The following CDC25C variants were observed in gnomAD, a reference collection of about 807,000 sequenced individuals.
CDC25C encodes the protein M-phase inducer phosphatase 3.
In CDC25C, 48 loss-of-function variants were observed where a neutral mutation model predicts 52.5. That is an observed-to-expected ratio of 0.91 (90% CI 0.72 to 1.16). The LOEUF is 1.16. CDC25C is among the 50% of genes most tolerant of loss of function. CDC25C has a pLI of 0.00. For synonymous variants in CDC25C, 187 were observed against 206.5 expected, an observed-to-expected ratio of 0.91 and a Z score of 0.81; for missense variants, 510 against 566.1, an observed-to-expected ratio of 0.90 and a Z score of 1.01.
chr5:138,338,124 A>G (rs1370412802), exon 1 of CDC25C: 3 of 1,289,614 alleles, frequency 2.3e-6, no homozygotes, highest in African/African-American at 3.0e-5. Flanking sequence ...AGACACTTTG[A>G]GAGAGACACG....
intron 10 of CDC25C, among the ~76,000 whole-genome samples, chr5:138,288,355 G>A (rs1756432662): frequency 1.3e-5 from 2 of 152,122 alleles, no homozygotes; most frequent in African/African-American, 2.4e-5. Context: ...GATTACAGGT[G>A]TGAGCTGTGC....
intron 9 of CDC25C, 94 bp downstream of exon 9, chr5:138,290,545 G>C (rs1047482444): frequency 5.7e-5 from 42 of 738,412 alleles, no homozygotes; most frequent in African/African-American, 4.5e-4. Flanking sequence ...TACTTGGTGA[G>C]GATGCATATT....
At position 138,287,173 on chromosome 5, in the gene CDC25C, A is replaced by T. The variant is rs778740149; in HGVS notation, c.1022T>A (p.Ile341Asn). 2.5e-6 allele frequency: 4 copies of T among 1,609,958 alleles called. No homozygotes were observed. Among genetic ancestry groups the T allele is most frequent in the Admixed American group, 3.3e-5 (2 of 59,986 alleles). ...ATGGCCACAATGTCGTCTCACCTGG[A>T]TGTGTCCTCCCAGATACTCATATGG... is the stretch of plus-strand genomic sequence containing the variant. ...RYPYEYLGGH[I>N]QGALNLYSQE... Residue 341 changes from isoleucine (I) to asparagine (N), a missense_variant, in exon 11 of 14, where the codon ATC (isoleucine) becomes AAC (asparagine). Transcript: ENST00000323760.
chr5:138,313,379 C>CA (rs774904685), intron 7 of CDC25C, among the ~76,000 whole-genome samples: 3,174 of 36,868 alleles, frequency 0.086, 85 homozygotes, highest in East Asian at 0.13. Context: ...CTATATCTCA[C>CA]AAAAAAAAAA....
chr5:138,285,986 G>A (rs770179008), intron 13 of CDC25C, 36 bp downstream of exon 13: 1 of 1,569,968 alleles, frequency 6.4e-7, no homozygotes, highest in South Asian at 1.1e-5. Context: ...GAGTTGAGTT[G>A]TTAAAGTTTG....
At chr5:138,331,249 A>G in intron 1 of CDC25C, 31 bp from the exon 2 acceptor site, 2 of 1,424,538 alleles carry the variant, frequency 1.4e-6, no homozygotes, top group Non-Finnish European at 2.0e-6. Context: ...AAATCGGTAC[A>G]TCACAGTTCC....
At chr5:138,296,906 CTTTTTTTTTTTT>C (rs1300029259) in intron 7 of CDC25C, among the ~76,000 whole-genome samples, 1 of 80,166 alleles carries the variant, frequency 1.2e-5, no homozygotes, top group East Asian at 4.0e-4. Flanking sequence ...CGCCCGGCCA[CTTTTTTTTTTTT>C]TTTTTTTTTT....
chr5:138,313,379 C>CAAA (rs774904685), intron 7 of CDC25C, among the ~76,000 whole-genome samples: 107 of 36,366 alleles, frequency 2.9e-3, no homozygotes, highest in East Asian at 4.3e-3. Context: ...CTATATCTCA[C>CAAA]AAAAAAAAAA....
chr5:138,303,657 A>C (rs1195248342), intron 7 of CDC25C, among the ~76,000 whole-genome samples: 1 of 152,112 alleles, frequency 6.6e-6, no homozygotes, highest in Non-Finnish European at 1.5e-5. Flanking sequence ...GTCACTCTCA[A>C]ATAAGTCTCC....
rs976965105 is a variant in CDC25C at position 138,285,736 on chromosome 5, G to A, written c.1378C>T (p.Leu460=). The change falls in exon 14 of 14, where the codon CTG becomes TTG. Residue 460 remains leucine (L), a synonymous_variant. Transcript: ENST00000323760. ...QSKVQEGERQ[L]REQIALLVKD... is the part of the protein sequence containing the mutation. ...ACCAGAAGGGCAATCTGCTCCCGCA[G>A]CTGCCGCTCCCCTTCCTGCACTTTG... 3.1e-6 allele frequency: 5 copies of A among 1,614,018 alleles called. No homozygotes were observed. The highest frequency in any genetic ancestry group is 2.7e-5 in the African/African-American group (2 of 74,944).
intron 2 of CDC25C, among the ~76,000 whole-genome samples, chr5:138,330,425 G>A (rs931509002): frequency 2.0e-5 from 3 of 152,066 alleles, no homozygotes; most frequent in Admixed American, 2.0e-4. Context: ...GTAATGCAGC[G>A]GTTTTCAAAG....
intron 7 of CDC25C, among the ~76,000 whole-genome samples, chr5:138,317,642 C>T (rs984009676): frequency 3.0e-5 from 4 of 133,532 alleles, no homozygotes; most frequent in East Asian, 2.5e-4. Context: ...AATTGTGCCA[C>T]GTACCCCAGC....
chr5:138,313,407 G>T (rs1348434980), intron 7 of CDC25C, among the ~76,000 whole-genome samples: 7 of 142,060 alleles, frequency 4.9e-5, no homozygotes, highest in Non-Finnish European at 1.1e-4. Flanking sequence ...AAAAAAGAGA[G>T]AATTTCTGCT....
upstream of CDC25C, chr5:138,331,851 T>C (rs966230903): frequency 6.1e-6 from 6 of 985,330 alleles, no homozygotes; most frequent in African/African-American, 1.0e-4. Flanking sequence ...GCCAGCCCAG[T>C]AACCTATCCC....
intron 6 of CDC25C, among the ~76,000 whole-genome samples, chr5:138,319,593 A>T (rs534971155): frequency 7.2e-5 from 11 of 152,238 alleles, no homozygotes; most frequent in Non-Finnish European, 1.3e-4. Context: ...GAACACCATT[A>T]AGGGAATGAA....
chr5:138,329,485 C>G (rs1253890708), intron 3 of CDC25C, 68 bp downstream of exon 3: 1 of 1,005,958 alleles, frequency 9.9e-7, no homozygotes, highest in Non-Finnish European at 1.6e-6. Context: ...CCGTCTCTAT[C>G]CTCCTTCCCT....
At chr5:138,337,561 A>T in intron 1 of CDC25C, 1 of 189,440 alleles carries the variant, frequency 5.3e-6, no homozygotes. Context: ...GGGGGCGGAG[A>T]GAGAAGAGAG....
Position 138,326,047 on chromosome 5 carries a change from C to T in CDC25C, c.343G>A (p.Asp115Asn). The change falls in exon 5 of 14, where the codon GAC becomes AAC. Residue 115 changes from aspartate (D) to asparagine (N), a missense_variant. By Grantham distance (23) the Asp-to-Asn change is conservative. Coordinates refer to ENST00000323760, the MANE Select transcript of CDC25C (RefSeq NM_001790.5). ...QEVHLAGMNH[D>N]QHLMKCSPAQ... ...GGGCTACATTTCATTAGGTGCTGGT[C>T]ATGATTCCTGCAGATTAAAACAAAC... 5 of 1,614,188 alleles carry T rather than the reference C, an allele frequency of 3.1e-6. No homozygotes were observed. Among genetic ancestry groups the T allele is most frequent in the Non-Finnish European group, 4.2e-6 (5 of 1,180,030 alleles).
intron 9 of CDC25C, 92 bp from the exon 10 acceptor site, chr5:138,289,655 C>G (rs1328476652): frequency 2.0e-6 from 2 of 1,001,448 alleles, no homozygotes; most frequent in Non-Finnish European, 3.2e-6. Flanking sequence ...TCCAAGTGAC[C>G]CTTAAAACCC....
Sources: gnomAD v4.1 joint callset for allele counts (sites outside exome capture counted in the v4.1 genomes callset) on GRCh38, gnomAD v4.1.1 for gene constraint, MANE v1.5 for transcripts, NCBI Gene and HGNC (gene_info 2026-07-23, HGNC 2026-07-21) for gene names.